Variants in ARHGEF10L observed in about 807,000 individuals in gnomAD.
ARHGEF10L encodes the protein rho guanine nucleotide exchange factor 10-like protein.
In ARHGEF10L, 69 loss-of-function variants were observed where a neutral mutation model predicts 141.2. The ratio of observed to expected loss-of-function variants is 0.49; its 90% CI spans 0.40 to 0.60. The LOEUF (loss-of-function observed/expected upper bound fraction) is 0.60, where lower values mean the gene tolerates loss of function less well. Ranked by LOEUF, ARHGEF10L falls within the 20% of genes least tolerant of loss-of-function variation. The probability of loss-of-function intolerance (pLI) is 0.00; values close to 1 mark genes in which losing one functional copy is unlikely to be tolerated. For missense variants in ARHGEF10L, 1,482 were observed against 1,734.3 expected (o/e 0.85, Z 2.58); for synonymous variants, 711 against 718.5 (o/e 0.99, Z 0.17).
At chr1:17,649,117 G>A (rs2061765120) in intron 22 of ARHGEF10L, among the ~76,000 whole-genome samples, 2 of 152,164 alleles carry the variant, frequency 1.3e-5, no homozygotes, top group African/African-American at 4.8e-5. Flanking sequence ...GTGCCCCCTG[G>A]TTCTTTCCTG....
intron 4 of ARHGEF10L, among the ~76,000 whole-genome samples, chr1:17,593,261 G>T (rs910194220): frequency 6.6e-6 from 1 of 152,188 alleles, no homozygotes; most frequent in Non-Finnish European, 1.5e-5. Flanking sequence ...CAGCCTACAC[G>T]TGCACGGACT....
rs763452328 is a variant in ARHGEF10L at position 17,656,630 on chromosome 1, C to A, written c.2782C>A (p.Leu928Ile). ...SCRSPGLQPV[L>I]CLRHSPFHLL... Reference sequence around the variant, plus strand: ...CAGGAGCCCAGGTCTGCAGCCTGTGCTCTGCCTGCGACACAGCCCCTTCCA... The same window carrying A: ...CAGGAGCCCAGGTCTGCAGCCTGTGATCTGCCTGCGACACAGCCCCTTCCA... Residue 928 changes from leucine to isoleucine, a missense_variant, in exon 25 of 29, where the codon CTC (leucine) becomes ATC (isoleucine). Physicochemically the swap from Leu to Ile is conservative, Grantham distance 5 (BLOSUM62 2). Around this residue, in one of 3 missense-constraint regions of ARHGEF10L, gnomAD observed 858 missense variants for 966.3 expected, o/e 0.89. Transcript: ENST00000361221. The surrounding 1 kb of genome is among the most constrained non-coding windows in gnomAD (Gnocchi z 4.9). 7 of 1,613,584 alleles carry A rather than the reference C, an allele frequency of 4.3e-6. No individual in the cohort carries two copies. In the African/African-American group the frequency reaches 9.3e-5, roughly 22 times the overall value.
At chr1:17,691,414 G>A (rs757933617) in intron 27 of ARHGEF10L, among the ~76,000 whole-genome samples, 19 of 152,108 alleles carry the variant, frequency 1.2e-4, no homozygotes, top group South Asian at 2.1e-4. Flanking sequence ...CGGTTTTGCC[G>A]TCCAGTGGGG....
At position 17,602,216 on chromosome 1, in the gene ARHGEF10L, G is replaced by T. The variant is rs779431186; in HGVS notation, c.347G>T (p.Arg116Leu). The part of the protein sequence containing the change: ...HSSWKRKSSR[R>L]IDRFTFPALE... The stretch of plus-strand genomic sequence containing the variant: ...AGCTGGAAGCGGAAGAGTTCCCGTC[G>T]CAGTAAGTCTCCCCTCCGGCCCACC... Residue 116 changes from arginine to leucine, a missense_variant and splice_region_variant, in exon 5 of 29, where the codon CGC becomes CTC. Arg to Leu is a moderately radical substitution (Grantham distance 102). Transcript: ENST00000361221. 1.9e-6 allele frequency: 3 copies of T among 1,567,094 alleles called. No homozygotes were observed. The highest frequency in any genetic ancestry group is 2.6e-6 in the Non-Finnish European group (3 of 1,155,842).
chr1:17,587,690 A>G (rs994741415), intron 3 of ARHGEF10L, 45 bp downstream of exon 3: 4 of 1,557,936 alleles, frequency 2.6e-6, no homozygotes, highest in Non-Finnish European at 3.5e-6. Flanking sequence ...TACAGGGAGC[A>G]TGGAGAACTG....
At chr1:17,682,611 C>T (rs1242945890) in intron 26 of ARHGEF10L, among the ~76,000 whole-genome samples, 1 of 152,186 alleles carries the variant, frequency 6.6e-6, no homozygotes, top group Non-Finnish European at 1.5e-5. Flanking sequence ...GCATTGTTTG[C>T]AGACGGCTGC....
At chr1:17,538,554 G>A (rs1027094133), upstream of ARHGEF10L, among the ~76,000 whole-genome samples, 2 of 152,108 alleles carry the variant, frequency 1.3e-5, no homozygotes, top group African/African-American at 4.8e-5. Context: ...TGTGTGGCTT[G>A]TCTCACTGCA....
chr1:17,634,388 C>A, intron 16 of ARHGEF10L, 160 bp from the exon 17 acceptor site: 2 of 1,186,362 alleles, frequency 1.7e-6, no homozygotes, highest in Non-Finnish European at 2.5e-6. Flanking sequence ...CCGCTTCTGT[C>A]CACACCTGGC....
intron 1 of ARHGEF10L, among the ~76,000 whole-genome samples, chr1:17,564,330 C>T (rs1285131201): frequency 6.6e-6 from 1 of 152,192 alleles, no homozygotes; most frequent in Non-Finnish European, 1.5e-5. Context: ...TGGAGGGGGG[C>T]TGCTTTGAGA....
In ARHGEF10L at chr1:17,613,015, C is replaced by T. The variant is rs377675129; in HGVS notation, c.610-43C>T. 7 of 1,377,472 alleles carry T rather than the reference C, an allele frequency of 5.1e-6. No homozygotes were observed. The African/African-American group carries it at 1.0e-4, about 20-fold the overall frequency. The allele number at this position is 1,377,472 out of a possible 1,614,324, so 85.3% of individuals were successfully genotyped here. ...TTGTCTCCTTCCTGTCCCGCCTGCT[C>T]CTCTCACCTGCTTTCCTTCTGCCTG... On this transcript the variant is annotated intron_variant, in intron 7 of 28. Transcript: ENST00000361221.
chr1:17,515,849 C>G, the ARHGEF10L span, among the ~76,000 whole-genome samples: 2 of 152,116 alleles, frequency 1.3e-5, no homozygotes, highest in Admixed American at 6.6e-5. Flanking sequence ...TGCATGTGGC[C>G]CAGCCTGGTC....
In ARHGEF10L at chr1:17,654,846, A is replaced by T; in HGVS notation, c.2481+124A>T. On this transcript the variant is annotated intron_variant, in intron 23 of 28. Coordinates refer to ENST00000361221, the MANE Select transcript of ARHGEF10L (RefSeq NM_018125.4). This position sits in a 1 kb window ranked among gnomAD's most constrained non-coding sequence, Gnocchi z 4.3. ...TCATCTCATGCAGCTTCATCCACCAAGGTCTTCCTGGGCACCTCTGGTGCC... is the reference window on the plus strand; with the variant it reads ...TCATCTCATGCAGCTTCATCCACCATGGTCTTCCTGGGCACCTCTGGTGCC... The T allele has an allele frequency of 1.1e-6, 1 of 934,524 alleles. No individual in the cohort carries two copies. The highest frequency in any genetic ancestry group is 1.7e-6 in the Non-Finnish European group (1 of 585,876). 57.9% of individuals were successfully genotyped at this position (934,524 alleles called of 1,614,324 possible).
chr1:17,619,312 G>A lies in ARHGEF10L; in HGVS notation c.836-27G>A. ...AGGGTGTGCTGTCCCTGCCTTAGCTGTGTCATCGGCCCATCTGACTTTCCA... is the reference window on the plus strand; with the variant it reads ...AGGGTGTGCTGTCCCTGCCTTAGCTATGTCATCGGCCCATCTGACTTTCCA... On this transcript the variant is annotated intron_variant, in intron 9 of 28. Coordinates refer to ENST00000361221, the MANE Select transcript of ARHGEF10L (RefSeq NM_018125.4). The surrounding 1 kb of genome is among the most constrained non-coding windows in gnomAD (Gnocchi z 5.0). 1 of 1,604,932 alleles carries A rather than the reference G, an allele frequency of 6.2e-7. No individual in the cohort carries two copies. Among genetic ancestry groups the A allele is most frequent in the African/African-American group, 1.3e-5 (1 of 74,866 alleles).
chr1:17,552,465 C>G (rs2077149348), intron 1 of ARHGEF10L, among the ~76,000 whole-genome samples: 1 of 148,836 alleles, frequency 6.7e-6, no homozygotes, highest in Admixed American at 6.8e-5. Flanking sequence ...GTGGCATGTT[C>G]TTGGCTCACT....
rs1356025687 is a variant in ARHGEF10L, at chr1:17,607,699, A to AC, written c.434-96dup. 22 of 1,232,072 alleles carry AC rather than the reference A, an allele frequency of 1.8e-5. No individual in the cohort carries two copies. The highest frequency in any genetic ancestry group is 9.3e-5 in the South Asian group (5 of 53,506). The allele number at this position is 1,232,072 out of a possible 1,614,324, so 76.3% of individuals were successfully genotyped here. A position where few individuals can be genotyped will look rare whatever the true frequency, so the allele number is the denominator to read the frequency against. On this transcript the variant is annotated intron_variant, in intron 6 of 28. Coordinates refer to ENST00000361221, the MANE Select transcript of ARHGEF10L (RefSeq NM_018125.4). This position sits in a 1 kb window ranked among gnomAD's most constrained non-coding sequence, Gnocchi z 4.5. ...CCCCAGGGCCCCCATGTTCTCCCTG[A>AC]CCCCCCCTCGCCCCACCTGGGTTCA...
At chr1:17,523,122 G>C in the ARHGEF10L span, among the ~76,000 whole-genome samples, 11 of 118,994 alleles carry the variant, frequency 9.2e-5, no homozygotes, top group African/African-American at 3.6e-4. Flanking sequence ...GTCTAGCTCT[G>C]TTGCCCAGAC....
intron 13 of ARHGEF10L, 148 bp downstream of exon 13, chr1:17,624,651 A>T (rs186552808): frequency 2.9e-6 from 2 of 684,494 alleles, no homozygotes; most frequent in East Asian, 5.5e-5. Flanking sequence ...GCCCAGTCCC[A>T]TGGGAAGAAA....
In ARHGEF10L at chr1:17,664,552, G is replaced by A. The variant is rs1557975147; in HGVS notation, c.2966G>A (p.Gly989Glu). ...GAGGATGCCGTGTGGGCCAGCTGTG[G>A]GCCCCGGGTCACTGTCCTGGAAGCC... The part of the protein sequence containing the change: ...SLEDAVWASC[G>E]PRVTVLEATT... The change falls in exon 26 of 29, where the codon GGG (glycine) becomes GAG (glutamate). Residue 989 changes from glycine to glutamate, a missense_variant. Gly to Glu is a moderately conservative substitution (Grantham distance 98). Transcript: ENST00000361221. The A allele has an allele frequency of 6.2e-7, 1 of 1,606,974 alleles. No homozygotes were observed. Among genetic ancestry groups the A allele is most frequent in the Non-Finnish European group, 8.5e-7 (1 of 1,178,834 alleles).
chr1:17,597,973 G>C (rs933449407), intron 4 of ARHGEF10L, among the ~76,000 whole-genome samples: 11 of 152,202 alleles, frequency 7.2e-5, no homozygotes, highest in Non-Finnish European at 1.5e-4. Flanking sequence ...TGGTTAAACT[G>C]CATTCTTTCG....
Sources: gnomAD v4.1 joint callset for allele counts (sites outside exome capture counted in the v4.1 genomes callset) on GRCh38, gnomAD v4.1.1 for gene constraint, gnomAD v4.1.1 regional missense constraint, Gnocchi (gnomAD v3.1) non-coding constraint, MANE v1.5 for transcripts, NCBI Gene and HGNC (gene_info 2026-07-23, HGNC 2026-07-21) for gene names.